Variants in GREB1 observed in about 807,000 individuals in gnomAD.
The protein encoded by GREB1 is protein GREB1.
Under a neutral mutation model 200.7 loss-of-function variants are expected in GREB1, and 106 were observed. The observed-to-expected ratio is 0.53, with a 90% CI of 0.45 to 0.62. GREB1 has a LOEUF of 0.62. Among genes scored for constraint, GREB1 ranks in the 20% least tolerant of loss-of-function variants. The pLI is 0.00. For synonymous variants in GREB1, 1,132 were observed against 1,092.4 expected, an observed-to-expected ratio of 1.04 and a Z score of -0.72; for missense variants, 2,243 against 2,556.8, an observed-to-expected ratio of 0.88 and a Z score of 2.65.
intron 1 of GREB1, among the ~76,000 whole-genome samples, chr2:11,500,637 T>G (rs551562154): frequency 5.4e-4 from 82 of 152,328 alleles, no homozygotes; most frequent in Non-Finnish European, 7.6e-4. Context: ...AACAAAAATG[T>G]TGCAAATAAA....
intron 1 of GREB1, among the ~76,000 whole-genome samples, chr2:11,488,202 C>T (rs1320064081): frequency 6.6e-6 from 1 of 152,060 alleles, no homozygotes; most frequent in Non-Finnish European, 1.5e-5. Context: ...CTCGGAAACT[C>T]GGGGGGTGGT....
At chr2:11,552,807 C>T (rs886473449) in intron 1 of GREB1, among the ~76,000 whole-genome samples, 18 of 151,874 alleles carry the variant, frequency 1.2e-4, no homozygotes, top group South Asian at 6.2e-4. Context: ...GTCAGGAGAT[C>T]GAGACCATCC....
intron 19 of GREB1, among the ~76,000 whole-genome samples, chr2:11,613,356 C>T (rs1016795048): frequency 2.6e-5 from 4 of 152,166 alleles, no homozygotes; most frequent in South Asian, 2.1e-4. Context: ...TAGCAAAAGC[C>T]GACATCAGTG....
chr2:11,626,698 G>A (rs1302005467), intron 24 of GREB1, among the ~76,000 whole-genome samples: 2 of 152,204 alleles, frequency 1.3e-5, no homozygotes, highest in African/African-American at 4.8e-5. Flanking sequence ...TTACATAGGT[G>A]CTGATGAAAT....
At chr2:11,500,122 C>T (rs1672989527) in intron 1 of GREB1, among the ~76,000 whole-genome samples, 1 of 152,150 alleles carries the variant, frequency 6.6e-6, no homozygotes, top group Non-Finnish European at 1.5e-5. Context: ...GCTGGGATTA[C>T]AGGCATGCAC....
intron 4 of GREB1, among the ~76,000 whole-genome samples, chr2:11,569,498 G>A (rs1375216100): frequency 1.3e-5 from 2 of 152,204 alleles, no homozygotes; most frequent in African/African-American, 4.8e-5. Flanking sequence ...GGAATGGGAG[G>A]ATGTGGTATC....
At chr2:11,600,183 A>G (rs1051690052) in intron 15 of GREB1, among the ~76,000 whole-genome samples, 1 of 152,202 alleles carries the variant, frequency 6.6e-6, no homozygotes, top group Non-Finnish European at 1.5e-5. Context: ...TGTATTGTGA[A>G]TATTCATTTT....
intron 1 of GREB1, among the ~76,000 whole-genome samples, chr2:11,537,115 ACCGC>A: frequency 6.6e-6 from 1 of 152,100 alleles, no homozygotes; most frequent in South Asian, 2.1e-4. Flanking sequence ...GGCACCCGCC[ACCGC>A]GCCTGGCTGA....
chr2:11,579,180 G>A (rs574286095), intron 6 of GREB1, among the ~76,000 whole-genome samples: 2 of 152,290 alleles, frequency 1.3e-5, no homozygotes, highest in South Asian at 2.1e-4. Context: ...CCCATCCATC[G>A]CCTGGGCAGG....
intron 4 of GREB1, among the ~76,000 whole-genome samples, chr2:11,568,344 CA>C (rs1677903739): frequency 6.6e-6 from 1 of 152,232 alleles, no homozygotes; most frequent in Admixed American, 6.5e-5. Flanking sequence ...TGGGGACACA[CA>C]CGTGTGTGAA....
intron 1 of GREB1, among the ~76,000 whole-genome samples, chr2:11,501,965 G>A (rs1401820964): frequency 3.5e-5 from 4 of 115,716 alleles, no homozygotes; most frequent in Non-Finnish European, 6.6e-5. Flanking sequence ...TGCCCAGGCT[G>A]GAGTGCAATG....
rs1051439048 is a variant in GREB1 at position 11,614,124 on chromosome 2, GAT to G, written c.3123-966_3123-965del. Among the ~76,000 whole-genome samples the G allele has an allele frequency of 4.3e-4, 58 of 133,440 alleles. 2 individuals carry two copies. The highest frequency in any genetic ancestry group is 3.9e-3 in the Middle Eastern group (1 of 258). The allele number at this position is 133,440 out of a possible 152,430, so 87.5% of individuals were successfully genotyped here. ...TTTAATCTTTATCACAGCGGACTTAGATTTTTTTTTTTTTTTTTTTGAGACGG... is the reference window on the plus strand; with the variant it reads ...TTTAATCTTTATCACAGCGGACTTAGTTTTTTTTTTTTTTTTTTGAGACGG... On this transcript the variant is annotated intron_variant, in intron 19 of 32. Coordinates refer to ENST00000381486, the MANE Select transcript of GREB1 (RefSeq NM_014668.4).
chr2:11,539,048 CTTCTCTTCTCTTCT>C (rs1558512874), intron 1 of GREB1, among the ~76,000 whole-genome samples: 3 of 129,406 alleles, frequency 2.3e-5, no homozygotes, highest in African/African-American at 3.6e-5. Flanking sequence ...CTTCTCTTCT[CTTCTCTTCTCTTCT>C]CTTCTCTTAT....
chr2:11,585,739 C>G, intron 8 of GREB1, 23 bp from the exon 9 acceptor site: 1 of 1,612,018 alleles, frequency 6.2e-7, no homozygotes, highest in Non-Finnish European at 8.5e-7. Context: ...GATGTTTTCA[C>G]TAATATTCTT....
chr2:11,491,461 T>C lies in GREB1; in HGVS notation c.-159+9080T>C, dbSNP rs552319372. The stretch of plus-strand genomic sequence containing the variant: ...CACTAAAAAGCTTACTAAAGGTTTT[T>C]AGAATTAAGTCTGAGAGTAGGGCCA... On this transcript the variant is annotated intron_variant, in intron 1 of 2. Coordinates refer to the GREB1 transcript ENST00000628795. Among the ~76,000 whole-genome samples the C allele has an allele frequency of 3.3e-5, 5 of 152,356 alleles. No individual in the cohort carries two copies. In the East Asian group the frequency reaches 9.6e-4, roughly 29 times the overall value.
chr2:11,631,324 G>T (rs1256118358), intron 26 of GREB1, among the ~76,000 whole-genome samples: 1 of 152,234 alleles, frequency 6.6e-6, no homozygotes, highest in Non-Finnish European at 1.5e-5. Flanking sequence ...TGATTGGGGG[G>T]TGTTGTGTGT....
In GREB1 at chr2:11,592,890, C is replaced by T. The variant is rs538533947; in HGVS notation, c.1460C>T (p.Pro487Leu). The T allele has an allele frequency of 7.5e-6, 12 of 1,597,872 alleles. No homozygotes were observed. In the South Asian group the frequency reaches 1.0e-4, roughly 13 times the overall value. The change falls in exon 11 of 33, where the codon CCG becomes CTG. Residue 487 changes from proline (P) to leucine (L), a missense_variant. By Grantham distance (98) the Pro-to-Leu change is moderately conservative. Coordinates refer to ENST00000381486, the MANE Select transcript of GREB1 (RefSeq NM_014668.4). ...QYQQAPPQPF[P>L]PAPSAAAPVT... The stretch of plus-strand genomic sequence containing the variant: ...CAGCAGGCGCCGCCGCAGCCCTTCC[C>T]GCCCGCGCCCAGCGCCGCGGCACCC...
intron 32 of GREB1, among the ~76,000 whole-genome samples, chr2:11,639,839 G>C (rs530329265): frequency 2.0e-5 from 3 of 152,178 alleles, no homozygotes; most frequent in Non-Finnish European, 4.4e-5. Context: ...GGTGTCGCCA[G>C]GTGCTGGGAG....
rs1376880727 is a variant in GREB1 at position 11,598,816 on chromosome 2, A to G, written c.2289A>G (p.Thr763=). ...FLQNSFQNPH[T]LFVLIHDHAH... is the part of the protein sequence containing the mutation. The stretch of plus-strand genomic sequence containing the variant: ...AAAACTCCTTCCAGAACCCGCATAC[A>G]CTTTTTGTCCTAATCCATGACCATG... Residue 763 remains threonine, a synonymous_variant, in exon 15 of 33, where the codon ACA becomes ACG. Transcript: ENST00000381486. The G allele has an allele frequency of 5.0e-6, 8 of 1,614,206 alleles. No individual in the cohort carries two copies. The highest frequency in any genetic ancestry group is 6.8e-6 in the Non-Finnish European group (8 of 1,180,028).
Sources: gnomAD v4.1 joint callset for allele counts (sites outside exome capture counted in the v4.1 genomes callset) on GRCh38, gnomAD v4.1.1 for gene constraint, MANE v1.5 for transcripts, NCBI Gene and HGNC (gene_info 2026-07-23, HGNC 2026-07-21) for gene names.